The following CASKIN1 variants were observed in gnomAD, a reference collection of about 807,000 sequenced individuals.
The protein encoded by CASKIN1 is CASK interacting protein 1, also known as caskin-1.
Under a neutral mutation model 117.5 loss-of-function variants are expected in CASKIN1, and 42 were observed. The observed-to-expected ratio is 0.36, with a 90% CI of 0.28 to 0.46. CASKIN1 has a LOEUF of 0.46. Among genes scored for constraint, CASKIN1 ranks in the 20% least tolerant of loss-of-function variants. CASKIN1 has a pLI of 1.00. For synonymous variants in CASKIN1, 1,148 were observed against 961.7 expected (o/e 1.19, Z -3.59); for missense variants, 2,083 against 2,077.3 (o/e 1.00, Z -0.05).
rs753173245 is a variant in CASKIN1 at position 2,186,808 on chromosome 16, G to A, written c.947C>T (p.Pro316Leu). 1.2e-5 allele frequency: 20 copies of A among 1,612,838 alleles called. No individual in the cohort carries two copies. Among genetic ancestry groups the A allele is most frequent in the African/African-American group, 9.3e-5 (7 of 74,922 alleles). Residue 316 changes from proline (P) to leucine (L), a missense_variant, in exon 10 of 20, where the codon CCG becomes CTG. Pro to Leu is a moderately conservative substitution (Grantham distance 98). This residue lies in a region of CASKIN1 where 1,818 missense variants were observed against 1,688.9 expected (regional missense o/e 1.08). Transcript: ENST00000343516. ...GATGCAGCCCTTCCACCGGCCATCC[G>A]GATGCTGCTCGAGGACCTGGCCAGT... The part of the protein sequence containing the change: ...GDIITVLEQH[P>L]DGRWKGCIHD...
intron 1 of CASKIN1, among the ~76,000 whole-genome samples, chr16:2,194,669 A>G (rs993628832): frequency 6.6e-6 from 1 of 151,852 alleles, no homozygotes; most frequent in African/African-American, 2.4e-5. Flanking sequence ...GATTTATTAC[A>G]CCCGCCCCTG....
rs953782757 is a variant in CASKIN1 at position 2,184,801 on chromosome 16, C to G, written c.1392G>C (p.Lys464Asn). The change falls in exon 14 of 20, where the codon AAG becomes AAC. Residue 464 changes from lysine to asparagine, a missense_variant. Physicochemically the swap from Lys to Asn is moderately conservative, Grantham distance 94 (BLOSUM62 0). Transcript: ENST00000343516. ...GQVYGEQPPK[K>N]LEPASEGKSS... ...CCTTGCCCTCCGATGCTGGCTCCAG[C>G]TTCTTGGGCGGCTGCTCCCCATAGA... 4 of 1,533,454 alleles carry G rather than the reference C, an allele frequency of 2.6e-6. No individual in the cohort carries two copies. In the African/African-American group the frequency reaches 5.5e-5, roughly 21 times the overall value. 95.0% of individuals were successfully genotyped at this position (1,533,454 alleles called of 1,614,324 possible).
chr16:2,192,641 C>T (rs1443893240), intron 1 of CASKIN1, among the ~76,000 whole-genome samples: 1 of 152,162 alleles, frequency 6.6e-6, no homozygotes, highest in Non-Finnish European at 1.5e-5. Context: ...CAGATCCTTA[C>T]CCACAGGCTG....
At position 2,180,526 on chromosome 16, in the gene CASKIN1, G is replaced by T; in HGVS notation, c.2842C>A (p.Pro948Thr). 3 of 1,545,310 alleles carry T rather than the reference G, an allele frequency of 1.9e-6. No individual in the cohort carries two copies. The highest frequency in any genetic ancestry group is 2.6e-6 in the Non-Finnish European group (3 of 1,152,102). Reference sequence around the variant, plus strand: ...GCCGAGCTGGAGCGCTTGGGTGGGGGCGGCGGGGGCCCCTTCTTTCGGGGC... The same window carrying T: ...GCCGAGCTGGAGCGCTTGGGTGGGGTCGGCGGGGGCCCCTTCTTTCGGGGC... ...VRPRKKGPPP[P>T]PPKRSSSALA... Residue 948 changes from proline to threonine, a missense_variant, in exon 18 of 20, where the codon CCC becomes ACC. Pro to Thr is a conservative substitution (Grantham distance 38, BLOSUM62 -1). This residue lies in a region of CASKIN1 where 1,818 missense variants were observed against 1,688.9 expected (regional missense o/e 1.08). Transcript: ENST00000343516.
At chr16:2,195,981 G>C (rs2093214759) in intron 1 of CASKIN1, among the ~76,000 whole-genome samples, 3 of 151,706 alleles carry the variant, frequency 2.0e-5, no homozygotes, top group South Asian at 4.2e-4. Flanking sequence ...GGTGGGGGGG[G>C]CATCCGCCTC....
At chr16:2,188,341 C>T (rs1455615787) in intron 6 of CASKIN1, among the ~76,000 whole-genome samples, 2 of 151,408 alleles carry the variant, frequency 1.3e-5, no homozygotes, top group African/African-American at 4.9e-5. Context: ...TGTGCATCAC[C>T]ACAACCAGCC....
chr16:2,189,284 G>A lies in CASKIN1; in HGVS notation c.440C>T (p.Ser147Leu), dbSNP rs199599890. The change falls in exon 5 of 20, where the codon TCG (serine) becomes TTG (leucine). Residue 147 changes from serine to leucine, a missense_variant. Ser to Leu is a moderately radical substitution (Grantham distance 145). This residue lies in a region of CASKIN1 where 203 missense variants were observed against 338.7 expected (regional missense o/e 0.60). Coordinates refer to ENST00000343516, the MANE Select transcript of CASKIN1 (RefSeq NM_020764.4). ...HQSNPCMVDN[S>L]GKTPLDLACE... Reference sequence around the variant, plus strand: ...GGCCAGGTCCAGGGGCGTCTTCCCCGAGTTGTCCACCATGCACGGGTTAGA... The same window carrying A: ...GGCCAGGTCCAGGGGCGTCTTCCCCAAGTTGTCCACCATGCACGGGTTAGA... The A allele has an allele frequency of 7.0e-5, 113 of 1,613,160 alleles. No homozygotes were observed. Among genetic ancestry groups the A allele is most frequent in the Non-Finnish European group, 8.7e-5 (103 of 1,179,912 alleles).
chr16:2,179,333 G>C lies in CASKIN1; in HGVS notation c.3776-8C>G, dbSNP rs2093157879. On this transcript the variant is annotated splice_polypyrimidine_tract_variant and splice_region_variant and intron_variant, in intron 18 of 19. Transcript: ENST00000343516. The surrounding 1 kb of genome is among the most constrained non-coding windows in gnomAD (Gnocchi z 5.8). ...CGTGGGCGCGCTTCACCTCTGCGGG[G>C]AGGACCACGCTGGCACCGAGCGGGC... The C allele has an allele frequency of 7.8e-7, 1 of 1,288,356 alleles. No individual in the cohort carries two copies. The highest frequency in any genetic ancestry group is 9.8e-7 in the Non-Finnish European group (1 of 1,022,420). The allele number at this position is 1,288,356 out of a possible 1,614,324, so 79.8% of individuals were successfully genotyped here.
At position 2,178,122 on chromosome 16, in the gene CASKIN1, A is replaced by C; in HGVS notation, c.*428T>G. 1 of 504,344 alleles carries C rather than the reference A, an allele frequency of 2.0e-6. No homozygotes were observed. Among genetic ancestry groups the C allele is most frequent in the African/African-American group, 1.9e-5 (1 of 51,492 alleles). 31.2% of individuals were successfully genotyped at this position (504,344 alleles called of 1,614,324 possible). On this transcript the variant is annotated 3_prime_UTR_variant, in exon 20 of 20. Coordinates refer to ENST00000343516, the MANE Select transcript of CASKIN1 (RefSeq NM_020764.4). The stretch of plus-strand genomic sequence containing the variant: ...CATTCCCAATAAATTAATACTCTTG[A>C]TAGCTTATATTCTGGGGGTGCGGTG...
In CASKIN1 at chr16:2,179,373, C is replaced by T. The variant is rs1316229855; in HGVS notation, c.3776-48G>A. 13 of 1,333,492 alleles carry T rather than the reference C, an allele frequency of 9.7e-6. No individual in the cohort carries two copies. Among genetic ancestry groups the T allele is most frequent in the South Asian group, 4.4e-5 (2 of 45,812 alleles). The allele number at this position is 1,333,492 out of a possible 1,614,324, so 82.6% of individuals were successfully genotyped here. A position where few individuals can be genotyped will look rare whatever the true frequency, so the allele number is the denominator to read the frequency against. ...ACCGAGCGGGCACGAGTTCCGCCGCCGCGCCCCCTGCCCCAGCCTCCCGCG... is the reference window on the plus strand; with the variant it reads ...ACCGAGCGGGCACGAGTTCCGCCGCTGCGCCCCCTGCCCCAGCCTCCCGCG... On this transcript the variant is annotated intron_variant, in intron 18 of 19. Transcript: ENST00000343516. This position sits in a 1 kb window ranked among gnomAD's most constrained non-coding sequence, Gnocchi z 5.8.
rs1247595182 is a variant in CASKIN1, at chr16:2,177,603, TG to T, written c.*946del. On this transcript the variant is annotated 3_prime_UTR_variant, in exon 20 of 20. Coordinates refer to ENST00000343516, the MANE Select transcript of CASKIN1 (RefSeq NM_020764.4). ...AGCGTCCGTGGGAACTCCACTGGGG[TG>T]GATGGGCTGCCTGCACAGCCCCTGG... The T allele has an allele frequency of 4.3e-6, 1 of 234,752 alleles. No homozygotes were observed. Among genetic ancestry groups the T allele is most frequent in the African/African-American group, 2.2e-5 (1 of 44,906 alleles). The allele number at this position is 234,752 out of a possible 1,614,324, so 14.5% of individuals were successfully genotyped here. A position where few individuals can be genotyped will look rare whatever the true frequency, so the allele number is the denominator to read the frequency against.
At position 2,180,267 on chromosome 16, in the gene CASKIN1, C is replaced by T; in HGVS notation, c.3101G>A (p.Ser1034Asn). The T allele has an allele frequency of 6.4e-7, 1 of 1,561,676 alleles. No homozygotes were observed. The highest frequency in any genetic ancestry group is 8.7e-7 in the Non-Finnish European group (1 of 1,155,104). ...GGTGGCCACCCGGCCCGGCTCTGGG[C>T]TGGCAGGGCGGGGAGTGGGGTGGCC... is the stretch of plus-strand genomic sequence containing the variant. ...PEGHPTPRPASPEPGRVATVL... is the reference protein window; with the variant it reads ...PEGHPTPRPANPEPGRVATVL... The change falls in exon 18 of 20, where the codon AGC (serine) becomes AAC (asparagine). Residue 1034 changes from serine (S) to asparagine (N), a missense_variant. This residue lies in a region of CASKIN1 where 1,818 missense variants were observed against 1,688.9 expected (regional missense o/e 1.08). Transcript: ENST00000343516.
Position 2,181,679 on chromosome 16 carries a change from GGCTTGGGGCCCA to G in CASKIN1, c.1769-92_1769-81del, listed in dbSNP as rs1175771384. On this transcript the variant is annotated intron_variant, in intron 17 of 19. Coordinates refer to ENST00000343516, the MANE Select transcript of CASKIN1 (RefSeq NM_020764.4). The stretch of plus-strand genomic sequence containing the variant: ...CCGGGCTAGGGGCGGGGCTGGGCTG[GGCTTGGGGCCCA>G]GCTTGGGGCTGGGGCGGGGCTGGGG... 7.5e-6 allele frequency: 11 copies of G among 1,469,464 alleles called. No homozygotes were observed. The African/African-American group carries it at 1.4e-4, about 19-fold the overall frequency. The allele number at this position is 1,469,464 out of a possible 1,614,324, so 91.0% of individuals were successfully genotyped here. A position where few individuals can be genotyped will look rare whatever the true frequency, so the allele number is the denominator to read the frequency against.
rs2093217176 is a variant in CASKIN1 at position 2,196,544 on chromosome 16, C to CCTCGCCG, written c.-119_-113dup. On this transcript the variant is annotated 5_prime_UTR_variant, in exon 1 of 20. Transcript: ENST00000343516. This position sits in a 1 kb window ranked among gnomAD's most constrained non-coding sequence, Gnocchi z 5.7. ...TCCCCCGCCGCCTCCCCCGCCGCCTCCTCGCCGCCCGCCGCCCCTTCGCCC... is the reference window on the plus strand; with the variant it reads ...TCCCCCGCCGCCTCCCCCGCCGCCTCCTCGCCGCTCGCCGCCCGCCGCCCCTTCGCCC... The CCTCGCCG allele has an allele frequency of 3.7e-6, 1 of 269,540 alleles. No homozygotes were observed. Among genetic ancestry groups the CCTCGCCG allele is most frequent in the Admixed American group, 6.7e-5 (1 of 14,974 alleles). 16.7% of individuals were successfully genotyped at this position (269,540 alleles called of 1,614,324 possible).
At chr16:2,183,972 C>T (rs756867530) in intron 14 of CASKIN1, 31 bp from the exon 15 acceptor site, 21 of 1,472,550 alleles carry the variant, frequency 1.4e-5, no homozygotes, top group East Asian at 7.0e-5. Flanking sequence ...ACTGCAGGCT[C>T]GCCTGCCCGG....
rs1356466455 is a variant in CASKIN1 at position 2,182,061 on chromosome 16, A to G, written c.1630-132T>C. On this transcript the variant is annotated intron_variant, in intron 16 of 19. Coordinates refer to ENST00000343516, the MANE Select transcript of CASKIN1 (RefSeq NM_020764.4). The surrounding 1 kb of genome is among the most constrained non-coding windows in gnomAD (Gnocchi z 4.1). ...GACAGGAGGACAAACGGATAGGCCG[A>G]GGTATTGGCACCAGAAATGTAGGCA... 4 of 1,263,732 alleles carry G rather than the reference A, an allele frequency of 3.2e-6. No homozygotes were observed. The highest frequency in any genetic ancestry group is 2.9e-5 in the African/African-American group (2 of 67,852). 78.3% of individuals were successfully genotyped at this position (1,263,732 alleles called of 1,614,324 possible). A position where few individuals can be genotyped will look rare whatever the true frequency, so the allele number is the denominator to read the frequency against.
chr16:2,178,724 T>TC (rs2093154115), intron 19 of CASKIN1, 78 bp from the exon 20 acceptor site: 1 of 1,377,350 alleles, frequency 7.3e-7, no homozygotes, highest in Non-Finnish European at 9.6e-7. Context: ...CACGCCCACG[T>TC]CCCGCATCTC....
At chr16:2,193,968 G>C (rs2093208234) in intron 1 of CASKIN1, among the ~76,000 whole-genome samples, 1 of 152,028 alleles carries the variant, frequency 6.6e-6, no homozygotes, top group African/African-American at 2.4e-5. Flanking sequence ...GCTGGAGGGG[G>C]CCGGGGCCAG....
intron 1 of CASKIN1, among the ~76,000 whole-genome samples, chr16:2,194,634 T>C (rs2093210608): frequency 6.6e-6 from 1 of 152,180 alleles, no homozygotes; most frequent in African/African-American, 2.4e-5. Context: ...ACGACGGAGC[T>C]AATTCATGGA....
Sources: allele counts gnomAD v4.1 joint callset (sites outside exome capture counted in the v4.1 genomes callset), GRCh38; gene constraint gnomAD v4.1.1; regional missense constraint gnomAD v4.1.1; non-coding constraint Gnocchi (gnomAD v3.1); transcripts MANE v1.5; gene names NCBI Gene and HGNC (gene_info 2026-07-23, HGNC 2026-07-21).